Variants in TTC7A observed in about 807,000 individuals in gnomAD.
TTC7A encodes the protein tetratricopeptide repeat domain 7A.
TTC7A carries 110 observed loss-of-function variants against 103.7 expected under a neutral mutation model. The observed-to-expected ratio is 1.06, with a 90% CI of 0.91 to 1.24. The LOEUF is 1.24. Ranked by LOEUF, TTC7A falls within the 50% of genes most tolerant of loss-of-function variation. The probability of loss-of-function intolerance (pLI) is 0.00; values close to 1 mark genes in which losing one functional copy is unlikely to be tolerated. For missense variants in TTC7A, 1,340 were observed against 1,116.3 expected, an observed-to-expected ratio of 1.20 and a Z score of -2.86; for synonymous variants, 521 against 467.9, an observed-to-expected ratio of 1.11 and a Z score of -1.47.
intron 19 of TTC7A, 98 bp downstream of exon 19, chr2:47,061,069 C>T: frequency 6.3e-6 from 8 of 1,264,100 alleles, no homozygotes; most frequent in Non-Finnish European, 8.7e-6. Flanking sequence ...CACTGCCTGC[C>T]TGTGCCTTGC....
Position 47,065,439 on chromosome 2 carries a change from A to G in TTC7A, c.2355+4468A>G, listed in dbSNP as rs1684106677. Among the ~76,000 whole-genome samples, 5 of 152,222 alleles carry G rather than the reference A, an allele frequency of 3.3e-5. 1 individual carries two copies. The highest frequency in any genetic ancestry group is 3.3e-4 in the Admixed American group (5 of 15,290). On this transcript the variant is annotated intron_variant, in intron 19 of 19. Coordinates refer to ENST00000319190, the MANE Select transcript of TTC7A (RefSeq NM_020458.4). ...GGGAAGACAAATCAATGGGAAACTA[A>G]TGGTAGACAAAGGCCAGTTAGCAGC...
chr2:46,973,478 A>T (rs1418653593), intron 3 of TTC7A, among the ~76,000 whole-genome samples: 1 of 151,808 alleles, frequency 6.6e-6, no homozygotes, highest in African/African-American at 2.4e-5. Context: ...CGGAGGATGG[A>T]TCCCTCCCAC....
chr2:47,060,276 A>G (rs1313991593), intron 18 of TTC7A, among the ~76,000 whole-genome samples: 1 of 152,180 alleles, frequency 6.6e-6, no homozygotes, highest in African/African-American at 2.4e-5. Context: ...AGGCTGAGAC[A>G]GGAAAATCAC....
chr2:47,072,751 G>C lies in TTC7A; in HGVS notation c.2356-951G>C, dbSNP rs1037113867. Among the ~76,000 whole-genome samples the C allele has an allele frequency of 3.3e-5, 5 of 152,178 alleles. No individual in the cohort carries two copies. In the South Asian group the frequency reaches 1.0e-3, roughly 31 times the overall value. ...GTCATCTCATGCCACCCTCAGGGCTGAAACAGGGATCAGTGGGACGGCATG... is the reference window on the plus strand; with the variant it reads ...GTCATCTCATGCCACCCTCAGGGCTCAAACAGGGATCAGTGGGACGGCATG... On this transcript the variant is annotated intron_variant, in intron 19 of 19. Coordinates refer to ENST00000319190, the MANE Select transcript of TTC7A (RefSeq NM_020458.4).
chr2:47,013,797 A>T lies in TTC7A; in HGVS notation c.1392+2362A>T, dbSNP rs1233300188. Among the ~76,000 whole-genome samples, 16 of 152,348 alleles carry T rather than the reference A, an allele frequency of 1.1e-4. No homozygotes were observed. The East Asian group carries it at 2.3e-3, about 22-fold the overall frequency. On this transcript the variant is annotated intron_variant, in intron 11 of 19. Transcript: ENST00000319190. ...GAAAAGCCCAAAAGGAAACTTAAAC[A>T]TGCAGACTTGTCATCAGAATCGAGG...
At chr2:46,981,694 G>A (rs1425592151) in intron 5 of TTC7A, among the ~76,000 whole-genome samples, 1 of 152,246 alleles carries the variant, frequency 6.6e-6, no homozygotes, top group East Asian at 1.9e-4. Context: ...TATGGAGTGG[G>A]TCTCCAGGTG....
At chr2:46,999,510 C>A in intron 8 of TTC7A, 1 of 985,430 alleles carries the variant, frequency 1.0e-6, no homozygotes, top group Non-Finnish European at 1.2e-6. Flanking sequence ...CGGGACCATG[C>A]TCAGCAATGT....
Position 46,930,901 on chromosome 2 carries a change from A to G in TTC7A, c.82+13624A>G, listed in dbSNP as rs772262882. On this transcript the variant is annotated intron_variant, in intron 2 of 20. Coordinates refer to the TTC7A transcript ENST00000409245. Reference sequence around the variant, plus strand: ...TGCTTTATATGAACTCTTTGGAGAAAAGAAAAAAATATATATACCCTCTGA... The same window carrying G: ...TGCTTTATATGAACTCTTTGGAGAAGAGAAAAAAATATATATACCCTCTGA... Among the ~76,000 whole-genome samples, 20 of 152,348 alleles carry G rather than the reference A, an allele frequency of 1.3e-4. 2 individuals carry two copies. The South Asian group carries it at 3.5e-3, about 27-fold the overall frequency.
At chr2:47,057,500 G>A (rs1683415441) in intron 18 of TTC7A, among the ~76,000 whole-genome samples, 1 of 152,134 alleles carries the variant, frequency 6.6e-6, no homozygotes, top group South Asian at 2.1e-4. Context: ...CACTATGAGG[G>A]GTCCCCAAGG....
At chr2:46,987,844 T>TG (rs1558542522) in intron 5 of TTC7A, among the ~76,000 whole-genome samples, 3 of 125,624 alleles carry the variant, frequency 2.4e-5, no homozygotes, top group Admixed American at 7.6e-5. Flanking sequence ...GTGTGTGTGT[T>TG]TGTGTGTGTC....
rs746784091 is a variant in TTC7A at position 47,060,955 on chromosome 2, G to A, written c.2339G>A (p.Arg780His). The part of the protein sequence containing the change: ...EALTVNPDGV[R>H]IMHSLGLMLS... ...CTCACGGTGAACCCAGATGGCGTGC[G>A]CATCATGCATAGCCTGGTGAGTCAG... Residue 780 changes from arginine (R) to histidine (H), a missense_variant, in exon 19 of 20, where the codon CGC (arginine) becomes CAC (histidine). Coordinates refer to ENST00000319190, the MANE Select transcript of TTC7A (RefSeq NM_020458.4). 2.3e-5 allele frequency: 37 copies of A among 1,612,152 alleles called. No homozygotes were observed. Among genetic ancestry groups the A allele is most frequent in the Non-Finnish European group, 2.7e-5 (32 of 1,179,122 alleles).
chr2:46,925,868 A>G (rs1454034336), intron 2 of TTC7A, among the ~76,000 whole-genome samples: 1 of 152,230 alleles, frequency 6.6e-6, no homozygotes, highest in Admixed American at 6.5e-5. Flanking sequence ...CAGTTCCACA[A>G]GATTCCTTTC....
At chr2:46,927,095 T>A (rs981726017) in intron 2 of TTC7A, among the ~76,000 whole-genome samples, 1 of 151,990 alleles carries the variant, frequency 6.6e-6, no homozygotes, top group Non-Finnish European at 1.5e-5. Context: ...TACAAAAGGA[T>A]AAGAGTCACA....
chr2:46,984,740 G>A (rs1302085667), intron 5 of TTC7A, among the ~76,000 whole-genome samples: 1 of 152,192 alleles, frequency 6.6e-6, no homozygotes. Flanking sequence ...GGAAGGCCAG[G>A]TGACCCCATT....
At chr2:46,949,125 C>G (rs13013135) in intron 1 of TTC7A, among the ~76,000 whole-genome samples, 7,600 of 152,288 alleles carry the variant, frequency 0.05, 254 homozygotes, top group Middle Eastern at 0.092. Context: ...CACTGAACAC[C>G]CGGCTCCCAT....
At chr2:46,991,460 C>G (rs1043214621) in intron 5 of TTC7A, among the ~76,000 whole-genome samples, 1 of 152,036 alleles carries the variant, frequency 6.6e-6, no homozygotes. Context: ...ATAGCAAGAC[C>G]TCATCTCTGC....
At chr2:46,957,175 T>C (rs1007276877) in intron 3 of TTC7A, among the ~76,000 whole-genome samples, 168 bp downstream of exon 3, 1 of 151,384 alleles carries the variant, frequency 6.6e-6, no homozygotes. Context: ...ATGTTGACAT[T>C]GCCTGGTGCC....
At position 47,011,575 on chromosome 2, in the gene TTC7A, C is replaced by T; in HGVS notation, c.1392+140C>T. 3 of 660,246 alleles carry T rather than the reference C, an allele frequency of 4.5e-6. No individual in the cohort carries two copies. In the South Asian group the frequency reaches 6.3e-5, roughly 14 times the overall value. 40.9% of individuals were successfully genotyped at this position (660,246 alleles called of 1,614,324 possible). A position where few individuals can be genotyped will look rare whatever the true frequency, so the allele number is the denominator to read the frequency against. Reference sequence around the variant, plus strand: ...GAGCTACCAGGCAGATGGGCCTGGGCAGGGAGAAAGTCTCTGAGGAGCTGC... The same window carrying T: ...GAGCTACCAGGCAGATGGGCCTGGGTAGGGAGAAAGTCTCTGAGGAGCTGC... On this transcript the variant is annotated intron_variant, in intron 11 of 19. Transcript: ENST00000319190.
At chr2:47,071,080 A>T (rs1242451103) in intron 19 of TTC7A, 2 of 152,422 alleles carry the variant, frequency 1.3e-5, no homozygotes, top group African/African-American at 4.8e-5. Flanking sequence ...TCGGGGTGCC[A>T]GGAGGATTGT....
Sources: gnomAD v4.1 joint callset for allele counts (sites outside exome capture counted in the v4.1 genomes callset) on GRCh38, gnomAD v4.1.1 for gene constraint, MANE v1.5 for transcripts, NCBI Gene and HGNC (gene_info 2026-07-23, HGNC 2026-07-21) for gene names.